Variants in PTPRO observed in about 807,000 individuals in gnomAD.
The protein encoded by PTPRO is protein tyrosine phosphatase receptor type O, also known as receptor-type tyrosine-protein phosphatase O.
A neutral mutation model predicts 145.2 loss-of-function variants in PTPRO; 62 were observed. The observed-to-expected ratio is 0.43, with a 90% CI of 0.35 to 0.53. The LOEUF is 0.53. Among genes scored for constraint, PTPRO ranks in the 20% least tolerant of loss-of-function variants. PTPRO has a pLI of 0.01. For missense variants in PTPRO, 1,345 were observed against 1,482.7 expected (o/e 0.91, Z 1.53); for synonymous variants, 565 against 514.7 (o/e 1.10, Z -1.32).
At chr12:15,444,976 A>G (rs565118889) in intron 1 of PTPRO, among the ~76,000 whole-genome samples, 1 of 152,294 alleles carries the variant, frequency 6.6e-6, no homozygotes, top group South Asian at 2.1e-4. Flanking sequence ...AATGGGTTCT[A>G]TAATTAGCAA....
At chr12:15,435,754 G>A (rs1389143886) in intron 1 of PTPRO, among the ~76,000 whole-genome samples, 1 of 152,106 alleles carries the variant, frequency 6.6e-6, no homozygotes, top group Non-Finnish European at 1.5e-5. Context: ...AGTGAGAAAT[G>A]ATTGTTCAGT....
chr12:15,594,653 T>C (rs1257904753), intron 25 of PTPRO, among the ~76,000 whole-genome samples: 5 of 152,076 alleles, frequency 3.3e-5, no homozygotes. Context: ...AGTCATCACA[T>C]TGTACACCTT....
intron 1 of PTPRO, among the ~76,000 whole-genome samples, chr12:15,325,114 T>G (rs1370699532): frequency 1.3e-5 from 2 of 152,208 alleles, no homozygotes; most frequent in African/African-American, 4.8e-5. Flanking sequence ...CTTGCCAAAA[T>G]AATTTCCATA....
At chr12:15,591,847 G>A (rs545752878) in intron 25 of PTPRO, among the ~76,000 whole-genome samples, 1 of 151,746 alleles carries the variant, frequency 6.6e-6, no homozygotes, top group Non-Finnish European at 1.5e-5. Flanking sequence ...TGGTGACAGA[G>A]CAAGACTCCG....
At chr12:15,509,409 A>G (rs1363050147) in intron 7 of PTPRO, among the ~76,000 whole-genome samples, 1 of 151,942 alleles carries the variant, frequency 6.6e-6, no homozygotes, top group Non-Finnish European at 1.5e-5. Flanking sequence ...TAAAGAATAT[A>G]AAGTAGGCTG....
At chr12:15,578,333 A>T (rs1247335028) in intron 19 of PTPRO, among the ~76,000 whole-genome samples, 1 of 152,232 alleles carries the variant, frequency 6.6e-6, no homozygotes, top group Non-Finnish European at 1.5e-5. Context: ...CAAATATTTC[A>T]TACCCTGAGT....
chr12:15,466,435 TGTTGAG>T (rs1220116451), intron 1 of PTPRO, among the ~76,000 whole-genome samples: 2 of 152,202 alleles, frequency 1.3e-5, no homozygotes, highest in East Asian at 3.8e-4. Flanking sequence ...TTTAGCATGA[TGTTGAG>T]GTTTCCTATG....
intron 1 of PTPRO, chr12:15,439,818 G>A (rs546105202): frequency 1.6e-5 from 10 of 612,642 alleles, no homozygotes; most frequent in South Asian, 1.5e-4. Flanking sequence ...TTTTTCTTGG[G>A]GGCCTCTCTC....
chr12:15,376,852 C>T (rs1460703336), intron 1 of PTPRO, among the ~76,000 whole-genome samples: 1 of 152,154 alleles, frequency 6.6e-6, no homozygotes, highest in East Asian at 1.9e-4. Context: ...AATTCTATCA[C>T]ATTGGGGGTA....
At chr12:15,430,684 A>G (rs1940411715) in intron 1 of PTPRO, among the ~76,000 whole-genome samples, 3 of 152,158 alleles carry the variant, frequency 2.0e-5, no homozygotes, top group South Asian at 2.1e-4. Context: ...GTAACAATAT[A>G]TTATACACTT....
intron 1 of PTPRO, among the ~76,000 whole-genome samples, chr12:15,437,141 C>T (rs75430453): frequency 6.6e-6 from 1 of 151,678 alleles, no homozygotes; most frequent in African/African-American, 2.4e-5. Context: ...TGCTCCATGC[C>T]CAAGCAGATT....
chr12:15,376,052 A>G (rs1242909241), intron 1 of PTPRO, among the ~76,000 whole-genome samples: 1 of 152,182 alleles, frequency 6.6e-6, no homozygotes, highest in Non-Finnish European at 1.5e-5. Flanking sequence ...TGAGCTCCAG[A>G]AATAGAAAAT....
In PTPRO at chr12:15,410,834, T is replaced by C. The variant is rs373353374; in HGVS notation, c.76-73140T>C. On this transcript the variant is annotated intron_variant, in intron 1 of 26. Coordinates refer to ENST00000281171, the MANE Select transcript of PTPRO (RefSeq NM_030667.3). ...TGACTTCTACATCCAATACAGCTCC[T>C]TATATTTGACAATAAAATTGAAACA... 6.6e-5 allele frequency: 10 copies of C among 152,330 alleles called. No homozygotes were observed. In the East Asian group the frequency reaches 1.5e-3, roughly 23 times the overall value. The allele number at this position is 152,330 out of a possible 1,614,324, so 9.4% of individuals were successfully genotyped here.
rs765120202 is a variant in PTPRO, at chr12:15,389,690, C to T, written c.75+66889C>T. On this transcript the variant is annotated intron_variant, in intron 1 of 26. Transcript: ENST00000281171. Reference sequence around the variant, plus strand: ...TTAAATCTAGACTTCTAATGCCAAACACCTTCTGGATAGAATTTGTGTTTA... The same window carrying T: ...TTAAATCTAGACTTCTAATGCCAAATACCTTCTGGATAGAATTTGTGTTTA... 3.9e-5 allele frequency among the ~76,000 whole-genome samples: 6 copies of T among 152,192 alleles called. 1 individual carries two copies. The highest frequency in any genetic ancestry group is 1.4e-4 in the African/African-American group (6 of 41,460).
chr12:15,397,192 C>T (rs1418603618), intron 1 of PTPRO, among the ~76,000 whole-genome samples: 1 of 152,220 alleles, frequency 6.6e-6, no homozygotes, highest in South Asian at 2.1e-4. Context: ...CTTTCCTTAG[C>T]CACCAAGATC....
intron 19 of PTPRO, among the ~76,000 whole-genome samples, chr12:15,574,759 G>A (rs1471736102): frequency 6.6e-6 from 1 of 152,172 alleles, no homozygotes; most frequent in Non-Finnish European, 1.5e-5. Context: ...ACTGGAAAAT[G>A]ACTTGTTGGA....
At chr12:15,415,584 CT>C (rs375960886) in intron 1 of PTPRO, among the ~76,000 whole-genome samples, 2,432 of 150,304 alleles carry the variant, frequency 0.016, 34 homozygotes, top group Non-Finnish European at 0.022. Flanking sequence ...CGGGGTTTCA[CT>C]CATGTTAGCC....
chr12:15,385,303 C>T (rs1053822737), intron 1 of PTPRO, among the ~76,000 whole-genome samples: 1 of 152,010 alleles, frequency 6.6e-6, no homozygotes, highest in Non-Finnish European at 1.5e-5. Flanking sequence ...GAGCAGGGTA[C>T]CAAGGAGAAG....
At chr12:15,521,107 C>T (rs867213036) in intron 10 of PTPRO, among the ~76,000 whole-genome samples, 4 of 151,910 alleles carry the variant, frequency 2.6e-5, no homozygotes, top group South Asian at 2.1e-4. Flanking sequence ...TTTTATCGAA[C>T]GACAAGGTTG....
Sources: allele counts gnomAD v4.1 joint callset (sites outside exome capture counted in the v4.1 genomes callset), GRCh38; gene constraint gnomAD v4.1.1; transcripts MANE v1.5; gene names NCBI Gene and HGNC (gene_info 2026-07-23, HGNC 2026-07-21).